LRBA: variants seen among roughly 807,000 people sequenced by gnomAD.
LRBA encodes LPS responsive beige-like anchor protein.
LRBA carries 176 observed loss-of-function variants against 330.0 expected under a neutral mutation model. The ratio of observed to expected loss-of-function variants is 0.53; its 90% CI spans 0.47 to 0.60. The LOEUF is 0.60. Ranked by LOEUF, LRBA falls within the 20% of genes least tolerant of loss-of-function variation. LRBA has a pLI of 0.00. For synonymous variants in LRBA, 1,230 were observed against 1,193.0 expected (o/e 1.03, Z -0.64); for missense variants, 3,259 against 3,444.8 (o/e 0.95, Z 1.35).
At chr4:150,566,685 T>A (rs1769178296) in intron 40 of LRBA, among the ~76,000 whole-genome samples, 1 of 152,024 alleles carries the variant, frequency 6.6e-6, no homozygotes, top group Non-Finnish European at 1.5e-5. Context: ...ATCACAAAAA[T>A]TTTAGCTAAA....
intron 17 of LRBA, among the ~76,000 whole-genome samples, chr4:150,890,687 C>T (rs1238385988): frequency 2.0e-5 from 3 of 152,016 alleles, no homozygotes; most frequent in Admixed American, 6.6e-5. Flanking sequence ...GTAAGGGTAG[C>T]AAAGTTAAGG....
intron 47 of LRBA, 50 bp downstream of exon 47, chr4:150,415,388 T>C: frequency 6.4e-7 from 1 of 1,554,768 alleles, no homozygotes. Flanking sequence ...ACATGAAAGA[T>C]GCTTTGAGCA....
At chr4:150,651,223 T>C (rs1392595897) in intron 37 of LRBA, among the ~76,000 whole-genome samples, 2 of 152,136 alleles carry the variant, frequency 1.3e-5, no homozygotes, top group Admixed American at 6.6e-5. Context: ...AATATTTTAC[T>C]AGATGGAAAA....
chr4:150,946,493 T>C (rs926665504), intron 2 of LRBA, among the ~76,000 whole-genome samples: 9 of 152,146 alleles, frequency 5.9e-5, no homozygotes, highest in Admixed American at 2.6e-4. Flanking sequence ...GTGCGAACAC[T>C]TGGAAACTAT....
chr4:150,973,301 G>T (rs1739782647), intron 2 of LRBA, among the ~76,000 whole-genome samples: 1 of 152,054 alleles, frequency 6.6e-6, no homozygotes, highest in Non-Finnish European at 1.5e-5. Context: ...CCGAGTAGCT[G>T]GGATTACAGG....
chr4:150,769,648 T>G (rs1399174873), intron 34 of LRBA, among the ~76,000 whole-genome samples: 1 of 152,210 alleles, frequency 6.6e-6, no homozygotes, highest in African/African-American at 2.4e-5. Flanking sequence ...GAGGGCAATC[T>G]TTTTTACTCA....
chr4:150,842,912 G>C (rs189835978), intron 28 of LRBA, among the ~76,000 whole-genome samples: 15 of 152,228 alleles, frequency 9.9e-5, no homozygotes, highest in African/African-American at 2.6e-4. Flanking sequence ...GTAAGAGGCG[G>C]GGTGGGGGTA....
At chr4:150,518,839 C>G (rs770911825) in intron 40 of LRBA, among the ~76,000 whole-genome samples, 11 of 152,134 alleles carry the variant, frequency 7.2e-5, no homozygotes, top group Non-Finnish European at 1.2e-4. Context: ...TTACCCATCT[C>G]TGATCTCCAT....
At chr4:150,521,125 T>G (rs1412939161) in intron 40 of LRBA, among the ~76,000 whole-genome samples, 1 of 152,186 alleles carries the variant, frequency 6.6e-6, no homozygotes, top group Non-Finnish European at 1.5e-5. Flanking sequence ...TTTTTATTAA[T>G]CTGATTAGAT....
chr4:150,703,017 C>T (rs1211961413), intron 36 of LRBA, among the ~76,000 whole-genome samples: 3 of 152,120 alleles, frequency 2.0e-5, no homozygotes, highest in Non-Finnish European at 4.4e-5. Context: ...AAAAATTAGC[C>T]AGGCGTCATA....
At chr4:150,494,514 T>A (rs567819680) in intron 40 of LRBA, among the ~76,000 whole-genome samples, 3 of 152,340 alleles carry the variant, frequency 2.0e-5, no homozygotes, top group Admixed American at 2.0e-4. Flanking sequence ...GACTACTCCA[T>A]TTATTAGGAG....
At chr4:150,883,142 G>GT (rs1728586870) in intron 17 of LRBA, among the ~76,000 whole-genome samples, 1 of 151,976 alleles carries the variant, frequency 6.6e-6, no homozygotes, top group East Asian at 1.9e-4. Flanking sequence ...ATTCACCTCT[G>GT]TTTTTTTCAT....
At chr4:150,826,178 C>T (rs1265171062) in intron 30 of LRBA, among the ~76,000 whole-genome samples, 1 of 152,054 alleles carries the variant, frequency 6.6e-6, no homozygotes, top group East Asian at 1.9e-4. Context: ...TTAATGCCAG[C>T]AAAGGATGAT....
At chr4:150,546,767 G>A (rs992510424) in intron 40 of LRBA, among the ~76,000 whole-genome samples, 3 of 152,102 alleles carry the variant, frequency 2.0e-5, no homozygotes, top group Non-Finnish European at 4.4e-5. Flanking sequence ...CACAGACTTG[G>A]AAAAACTTCA....
chr4:150,827,822 G>A (rs1212158013), intron 30 of LRBA, among the ~76,000 whole-genome samples: 3 of 151,586 alleles, frequency 2.0e-5, no homozygotes, highest in Non-Finnish European at 2.9e-5. Flanking sequence ...GGCTGGTCTC[G>A]AACTCCTGAC....
chr4:150,654,778 G>A (rs1561476178), intron 37 of LRBA, among the ~76,000 whole-genome samples: 1 of 152,064 alleles, frequency 6.6e-6, no homozygotes, highest in African/African-American at 2.4e-5. Context: ...CCACCTATGA[G>A]TGAGAACATG....
rs183995504 is a variant in LRBA at position 150,689,706 on chromosome 4, G to A, written c.5755-5989C>T. Among the ~76,000 whole-genome samples the A allele has an allele frequency of 4.3e-3, 658 of 152,064 alleles. 4 individuals are homozygous for A. The highest frequency in any genetic ancestry group is 0.015 in the African/African-American group (627 of 41,504). On this transcript the variant is annotated intron_variant, in intron 36 of 56. Coordinates refer to ENST00000651943, the MANE Select transcript of LRBA (RefSeq NM_001364905.1). ...TTAGGGAGGCTGTGACAGGAGGATC[G>A]CTTGAGCATAGGAGTTGAAGACCAG...
At chr4:150,526,480 A>G (rs1190600739) in intron 40 of LRBA, among the ~76,000 whole-genome samples, 5 of 152,186 alleles carry the variant, frequency 3.3e-5, no homozygotes, top group Non-Finnish European at 7.4e-5. Context: ...AAAATTTGAT[A>G]AGGGGGATTG....
Position 150,350,132 on chromosome 4 carries a change from G to C in LRBA, c.7222C>G (p.Gln2408Glu). Residue 2408 changes from glutamine (Q) to glutamate (E), a missense_variant, in exon 48 of 57, where the codon CAG becomes GAG. Gln to Glu is a conservative substitution (Grantham distance 29, BLOSUM62 2). Coordinates refer to ENST00000651943, the MANE Select transcript of LRBA (RefSeq NM_001364905.1). ...LALESEFVSC[Q>E]LHQWIDLIFG... is the part of the protein sequence containing the mutation. ...ATGAGATCAATCCATTGGTGAAGCT[G>C]GCAGGAAACAAATTCACTCTCCAGG... 1 of 1,590,266 alleles carries C rather than the reference G, an allele frequency of 6.3e-7. No individual in the cohort carries two copies. Among genetic ancestry groups the C allele is most frequent in the Non-Finnish European group, 8.5e-7 (1 of 1,171,090 alleles).
Sources: gnomAD v4.1 joint callset for allele counts (sites outside exome capture counted in the v4.1 genomes callset) on GRCh38, gnomAD v4.1.1 for gene constraint, MANE v1.5 for transcripts, NCBI Gene and HGNC (gene_info 2026-07-23, HGNC 2026-07-21) for gene names.